The following SCAPER variants were observed in gnomAD, a reference collection of about 807,000 sequenced individuals.
The protein encoded by SCAPER is S phase cyclin A-associated protein in the endoplasmic reticulum.
SCAPER carries 98 observed loss-of-function variants against 182.2 expected under a neutral mutation model. The observed-to-expected ratio is 0.54, with a 90% CI of 0.46 to 0.64. The LOEUF is 0.64. SCAPER is among the 30% of genes least tolerant of loss of function. The pLI, the probability that SCAPER is intolerant of heterozygous loss-of-function variation, is 0.00. For synonymous variants in SCAPER, 605 were observed against 564.6 expected (o/e 1.07, Z -1.01); for missense variants, 1,432 against 1,690.0 (o/e 0.85, Z 2.68).
At chr15:76,624,723 A>C (rs987972121) in intron 21 of SCAPER, among the ~76,000 whole-genome samples, 7 of 152,228 alleles carry the variant, frequency 4.6e-5, no homozygotes, top group African/African-American at 1.7e-4. Context: ...CAGTAGTGGC[A>C]GCAGTGGGCC....
chr15:76,650,517 T>C (rs1461999215), intron 21 of SCAPER, among the ~76,000 whole-genome samples: 1 of 151,900 alleles, frequency 6.6e-6, no homozygotes, highest in South Asian at 2.1e-4. Context: ...TTTCAAAATT[T>C]GAAGAAAAAC....
rs1367579642 is a variant in SCAPER at position 76,600,106 on chromosome 15, T to C, written c.2711+21658A>G. 1.6e-5 allele frequency among the ~76,000 whole-genome samples: 2 copies of C among 121,240 alleles called. 1 individual carries two copies. The highest frequency in any genetic ancestry group is 1.9e-4 in the Admixed American group (2 of 10,570). The allele number at this position is 121,240 out of a possible 152,430, so 79.5% of individuals were successfully genotyped here. On this transcript the variant is annotated intron_variant, in intron 22 of 31. Coordinates refer to ENST00000563290, the MANE Select transcript of SCAPER (RefSeq NM_020843.4). ...AAGTATAGTAAATAATTACAGAATA[T>C]ATGTAGAGGATACATAAGTTTCCAC... is the stretch of plus-strand genomic sequence containing the variant.
intron 21 of SCAPER, among the ~76,000 whole-genome samples, chr15:76,652,529 A>ACG (rs2146564231): frequency 7.5e-6 from 1 of 133,990 alleles, no homozygotes; most frequent in East Asian, 2.1e-4. Flanking sequence ...ACACACACAC[A>ACG]CACACACACA....
chr15:76,583,326 G>A (rs2048397441), intron 22 of SCAPER, among the ~76,000 whole-genome samples: 1 of 140,836 alleles, frequency 7.1e-6, no homozygotes, highest in South Asian at 2.3e-4. Context: ...ACTCCAGCCT[G>A]AGCAACAGAG....
chr15:76,460,586 A>AT (rs1187537209), intron 25 of SCAPER, among the ~76,000 whole-genome samples: 1 of 152,070 alleles, frequency 6.6e-6, no homozygotes, highest in Non-Finnish European at 1.5e-5. Flanking sequence ...TTTAGCCACT[A>AT]TTTTTTACAA....
intron 20 of SCAPER, among the ~76,000 whole-genome samples, chr15:76,680,585 T>C (rs2057645067): frequency 6.6e-6 from 1 of 152,078 alleles, no homozygotes; most frequent in African/African-American, 2.4e-5. Context: ...TATTGGGTGA[T>C]GGGGGTGGAT....
intron 22 of SCAPER, among the ~76,000 whole-genome samples, chr15:76,589,257 C>T (rs777501720): frequency 4.6e-5 from 7 of 152,002 alleles, no homozygotes; most frequent in Admixed American, 1.3e-4. Context: ...GAGGATCTGG[C>T]GGTGGGTGGG....
intron 25 of SCAPER, among the ~76,000 whole-genome samples, chr15:76,444,401 T>G (rs1366771519): frequency 6.6e-6 from 1 of 152,100 alleles, no homozygotes; most frequent in Non-Finnish European, 1.5e-5. Context: ...AAAAATAAAG[T>G]TCACATTTTT....
intron 1 of SCAPER, among the ~76,000 whole-genome samples, chr15:76,898,354 T>G (rs909988741): frequency 6.6e-6 from 1 of 152,086 alleles, no homozygotes; most frequent in African/African-American, 2.4e-5. Context: ...CCTCAAAAAG[T>G]AAAAGATAAG....
At chr15:76,364,982 TGGCATAGATCCA>T (rs781554251) in intron 29 of SCAPER, among the ~76,000 whole-genome samples, 3 of 152,110 alleles carry the variant, frequency 2.0e-5, no homozygotes, top group Non-Finnish European at 2.9e-5. Flanking sequence ...CTCAAACCTC[TGGCATAGATCCA>T]GGTTTGTTAA....
At chr15:76,755,058 T>C (rs1340318373) in intron 14 of SCAPER, among the ~76,000 whole-genome samples, 1 of 152,180 alleles carries the variant, frequency 6.6e-6, no homozygotes, top group African/African-American at 2.4e-5. Context: ...ATCTAAAGTC[T>C]TGTATACTTT....
chr15:76,654,680 T>C (rs1022920296), intron 21 of SCAPER, among the ~76,000 whole-genome samples: 1 of 152,236 alleles, frequency 6.6e-6, no homozygotes, highest in Admixed American at 6.5e-5. Context: ...CTGGAAGTGG[T>C]TGCCAAGGCC....
intron 29 of SCAPER, among the ~76,000 whole-genome samples, chr15:76,372,331 T>G (rs951053343): frequency 6.6e-6 from 1 of 152,202 alleles, no homozygotes; most frequent in Non-Finnish European, 1.5e-5. Context: ...CAGTGCTCTC[T>G]CCACCCATTT....
rs190519794 is a variant in SCAPER, at chr15:76,498,117, C to T, written c.2954+6742G>A. 3.3e-5 allele frequency among the ~76,000 whole-genome samples: 5 copies of T among 151,438 alleles called. No individual in the cohort carries two copies. The East Asian group carries it at 9.7e-4, about 29-fold the overall frequency. On this transcript the variant is annotated intron_variant, in intron 24 of 31. Transcript: ENST00000563290. ...TAATGAAGAGTCTTCTGTTATACCA[C>T]CAGGGTGGCTGTTCCACAAAGGTAA... is the stretch of plus-strand genomic sequence containing the variant.
chr15:76,405,620 A>G (rs993031652), intron 26 of SCAPER, among the ~76,000 whole-genome samples: 2 of 152,236 alleles, frequency 1.3e-5, no homozygotes, highest in Non-Finnish European at 2.9e-5. Context: ...GACTGACAAC[A>G]GTAACTCTTT....
At chr15:76,543,108 T>C (rs2044925483) in intron 23 of SCAPER, among the ~76,000 whole-genome samples, 1 of 152,134 alleles carries the variant, frequency 6.6e-6, no homozygotes, top group Non-Finnish European at 1.5e-5. Flanking sequence ...TCTAATACAG[T>C]TTGTAGAATG....
Position 76,679,909 on chromosome 15 carries a change from G to A in SCAPER, c.2509-14120C>T, listed in dbSNP as rs115834092. ...TATCATGCTGTGAAGAATAAGAAAC[G>A]TCTGAGCTCAATATTGCAACAAGGA... On this transcript the variant is annotated intron_variant, in intron 20 of 31. Transcript: ENST00000563290. Among the ~76,000 whole-genome samples the A allele has an allele frequency of 8.2e-3, 1,245 of 152,270 alleles. 13 individuals carry two copies. Among genetic ancestry groups the A allele is most frequent in the African/African-American group, 0.028 (1,178 of 41,546 alleles).
intron 26 of SCAPER, among the ~76,000 whole-genome samples, chr15:76,412,133 TTAAAA>T (rs773439541): frequency 1.2e-4 from 19 of 152,268 alleles, no homozygotes; most frequent in Non-Finnish European, 2.1e-4. Flanking sequence ...GCACCATTCA[TTAAAA>T]TAACTTTCCT....
Position 76,604,558 on chromosome 15 carries a change from T to G in SCAPER, c.2711+17206A>C. Among the ~76,000 whole-genome samples the G allele has an allele frequency of 2.5e-5, 2 of 79,940 alleles. 1 individual carries two copies. The highest frequency in any genetic ancestry group is 7.5e-5 in the Non-Finnish European group (2 of 26,744). The allele number at this position is 79,940 out of a possible 152,430, so 52.4% of individuals were successfully genotyped here. On this transcript the variant is annotated intron_variant, in intron 22 of 31. Transcript: ENST00000563290. ...TTTAAAGTAGTTTTTTCTGATTCTGTGAAGAAAGTCATTGGTAGCTTGATG... is the reference window on the plus strand; with the variant it reads ...TTTAAAGTAGTTTTTTCTGATTCTGGGAAGAAAGTCATTGGTAGCTTGATG...
Sources: gnomAD v4.1 joint callset for allele counts (sites outside exome capture counted in the v4.1 genomes callset) on GRCh38, gnomAD v4.1.1 for gene constraint, MANE v1.5 for transcripts, NCBI Gene and HGNC (gene_info 2026-07-23, HGNC 2026-07-21) for gene names.